The following STK3 variants were observed in gnomAD, a reference collection of about 807,000 sequenced individuals.
STK3 encodes the protein serine/threonine-protein kinase 3.
In STK3, 41 loss-of-function variants were observed where a neutral mutation model predicts 58.0. The ratio of observed to expected loss-of-function variants is 0.71; its 90% CI spans 0.55 to 0.92. STK3 has a LOEUF of 0.92. Ranked by LOEUF, STK3 falls within the 40% of genes least tolerant of loss-of-function variation. STK3 has a pLI of 0.00. For synonymous variants in STK3, 170 were observed against 191.0 expected, an observed-to-expected ratio of 0.89 and a Z score of 0.91; for missense variants, 479 against 602.7, an observed-to-expected ratio of 0.79 and a Z score of 2.15.
At position 98,484,659 on chromosome 8, in the gene STK3, G is replaced by T. The variant is rs183306423; in HGVS notation, c.1318-28659C>A. 2.0e-4 allele frequency among the ~76,000 whole-genome samples: 30 copies of T among 151,552 alleles called. No homozygotes were observed. In the East Asian group the frequency reaches 5.8e-3, roughly 29 times the overall value. On this transcript the variant is annotated intron_variant, in intron 10 of 10. Coordinates refer to ENST00000419617, the MANE Select transcript of STK3 (RefSeq NM_006281.4). ...ACAGGTACCTTTGGGGAAGAAAAAA[G>T]AAAAGAAAAAAAGTAAATATAAAGA...
chr8:98,642,744 T>A (rs1470314866), intron 6 of STK3, among the ~76,000 whole-genome samples: 1 of 152,210 alleles, frequency 6.6e-6, no homozygotes, highest in South Asian at 2.1e-4. Flanking sequence ...ACAGTTTACA[T>A]CCTTGTTGAA....
At chr8:98,835,571 C>T (rs902289945) in intron 3 of STK3, among the ~76,000 whole-genome samples, 2 of 152,158 alleles carry the variant, frequency 1.3e-5, no homozygotes, top group African/African-American at 4.8e-5. Context: ...GTTTCCTTCC[C>T]ACCACACCCC....
downstream of STK3, chr8:98,883,602 C>G (rs1587798513): frequency 1.4e-6 from 1 of 697,122 alleles, no homozygotes; most frequent in East Asian, 2.7e-5. Context: ...AACACCAAAA[C>G]TGCTGCCTGG....
intron 1 of STK3, among the ~76,000 whole-genome samples, chr8:98,919,787 AG>A (rs1159246594): frequency 2.0e-5 from 3 of 151,118 alleles, no homozygotes; most frequent in Non-Finnish European, 4.4e-5. Context: ...ATGATAAAAA[AG>A]CTAAGAAAAG....
chr8:98,405,928 G>A (rs760158739), intron 3 of STK3, among the ~76,000 whole-genome samples: 20 of 152,118 alleles, frequency 1.3e-4, no homozygotes, highest in Non-Finnish European at 2.5e-4. Context: ...CTCTCACTGG[G>A]TCCCTCCCAC....
At chr8:98,719,422 C>A (rs1827245469) in intron 4 of STK3, among the ~76,000 whole-genome samples, 1 of 152,158 alleles carries the variant, frequency 6.6e-6, no homozygotes, top group Non-Finnish European at 1.5e-5. Flanking sequence ...CTATATATCA[C>A]TGCTCTACTA....
At chr8:98,388,800 A>G (rs533385399), upstream of STK3, among the ~76,000 whole-genome samples, 2 of 152,380 alleles carry the variant, frequency 1.3e-5, no homozygotes, top group South Asian at 4.1e-4. Context: ...GACAATATTA[A>G]GAAATTGTTG....
chr8:98,864,617 T>C (rs896763787), intron 3 of STK3, among the ~76,000 whole-genome samples: 9 of 152,230 alleles, frequency 5.9e-5, no homozygotes, highest in African/African-American at 2.2e-4. Flanking sequence ...TCCCCTGTGT[T>C]GGTGTAGCAT....
At chr8:98,774,625 T>G in intron 2 of STK3, 114 bp downstream of exon 2, 1 of 667,178 alleles carries the variant, frequency 1.5e-6, no homozygotes, top group South Asian at 3.2e-5. Context: ...GTTTAATTAC[T>G]ATTAAATACT....
intron 3 of STK3, among the ~76,000 whole-genome samples, chr8:98,862,820 C>A (rs1215719749): frequency 1.3e-5 from 2 of 152,160 alleles, no homozygotes; most frequent in Admixed American, 6.5e-5. Flanking sequence ...ATTAATAAAC[C>A]AAGGTAGGAC....
intron 3 of STK3, among the ~76,000 whole-genome samples, chr8:98,751,987 C>T (rs1461149851): frequency 2.6e-5 from 4 of 151,798 alleles, no homozygotes; most frequent in African/African-American, 9.7e-5. Context: ...AACACACACA[C>T]ACAAACACAC....
the STK3 span, among the ~76,000 whole-genome samples, chr8:98,344,176 C>A: frequency 6.6e-6 from 1 of 152,150 alleles, no homozygotes; most frequent in Non-Finnish European, 1.5e-5. Context: ...GTGGATACTG[C>A]CCCAGGCCAC....
upstream of STK3, among the ~76,000 whole-genome samples, chr8:98,391,877 G>A (rs1817851005): frequency 6.6e-6 from 1 of 152,148 alleles, no homozygotes. Context: ...TCAAAGTCAG[G>A]TAAAGGTAGT....
chr8:98,636,386 T>A (rs1237102527), intron 6 of STK3, among the ~76,000 whole-genome samples: 1 of 152,172 alleles, frequency 6.6e-6, no homozygotes, highest in Non-Finnish European at 1.5e-5. Context: ...CTTATTCATT[T>A]TTACACTTAT....
chr8:98,733,042 G>T (rs1828320795), intron 4 of STK3, among the ~76,000 whole-genome samples: 1 of 152,146 alleles, frequency 6.6e-6, no homozygotes. Flanking sequence ...GGGTAACCTA[G>T]GGGTACAACA....
intron 1 of STK3, among the ~76,000 whole-genome samples, chr8:98,922,512 A>G (rs1839604705): frequency 6.6e-6 from 1 of 152,256 alleles, no homozygotes; most frequent in South Asian, 2.1e-4. Context: ...ATACATGGAC[A>G]GCGATGGTGT....
At chr8:98,613,963 T>C (rs1817420602) in intron 6 of STK3, among the ~76,000 whole-genome samples, 3 of 152,094 alleles carry the variant, frequency 2.0e-5, no homozygotes, top group South Asian at 2.1e-4. Flanking sequence ...GGACATTACA[T>C]AGTGATGAGA....
At position 98,709,706 on chromosome 8, in the gene STK3, A is replaced by G. The variant is rs569442317; in HGVS notation, c.352-2395T>C. 2.6e-5 allele frequency among the ~76,000 whole-genome samples: 4 copies of G among 152,344 alleles called. No individual in the cohort carries two copies. In the South Asian group the frequency reaches 8.3e-4, roughly 32 times the overall value. On this transcript the variant is annotated intron_variant, in intron 4 of 10. Coordinates refer to ENST00000419617, the MANE Select transcript of STK3 (RefSeq NM_006281.4). ...AGAAGAAACCACATGATCATTTCAA[A>G]TGAAAACAGAAAAAGCATTTGATTA...
intron 1 of STK3, chr8:98,942,373 C>T (rs1840470032): frequency 1.3e-5 from 2 of 152,274 alleles, no homozygotes; most frequent in South Asian, 4.1e-4. Flanking sequence ...CCGACTCTTC[C>T]CTACCTTTTC....
Sources: allele counts gnomAD v4.1 joint callset (sites outside exome capture counted in the v4.1 genomes callset), GRCh38; gene constraint gnomAD v4.1.1; transcripts MANE v1.5; gene names NCBI Gene and HGNC (gene_info 2026-07-23, HGNC 2026-07-21).